The following CSE1L variants were observed in gnomAD, a reference collection of about 807,000 sequenced individuals.
The protein encoded by CSE1L is exportin-2.
In CSE1L, 24 loss-of-function variants were observed where a neutral mutation model predicts 120.4. The observed-to-expected ratio is 0.20, with a 90% CI of 0.14 to 0.28. The LOEUF is 0.28. Among genes scored for constraint, CSE1L ranks in the 10% least tolerant of loss-of-function variants. CSE1L has a pLI of 1.00. For synonymous variants in CSE1L, 402 were observed against 398.3 expected, an observed-to-expected ratio of 1.01 and a Z score of -0.11; for missense variants, 830 against 1,145.2, an observed-to-expected ratio of 0.72 and a Z score of 3.97.
At chr20:49,068,428 A>C (rs2091909456) in intron 6 of CSE1L, among the ~76,000 whole-genome samples, 1 of 152,090 alleles carries the variant, frequency 6.6e-6, no homozygotes. Context: ...CTCTACTAAA[A>C]ATACAAAAAA....
intron 10 of CSE1L, among the ~76,000 whole-genome samples, chr20:49,074,215 G>A (rs2123713950): frequency 1.6e-5 from 1 of 62,058 alleles, no homozygotes; most frequent in Non-Finnish European, 2.7e-5. Flanking sequence ...GTGTGTGTGT[G>A]TGTAGACTTT....
Position 49,090,967 on chromosome 20 carries a change from C to A in CSE1L, c.2310C>A (p.Ile770=). The A allele has an allele frequency of 1.2e-6, 2 of 1,611,176 alleles. No homozygotes were observed. The highest frequency in any genetic ancestry group is 1.3e-5 in the African/African-American group (1 of 74,928). Residue 770 remains isoleucine (I), a synonymous_variant, in exon 21 of 25, where the codon ATC becomes ATA. Transcript: ENST00000262982. The stretch of plus-strand genomic sequence containing the variant: ...CAGTTGACCAATATAGGAAACAAAT[C>A]TTCATTCTGCTATTCCAGAGACTTC... ...PESVDQYRKQ[I]FILLFQRLQN...
chr20:49,053,219 A>G (rs2091781682), intron 1 of CSE1L, among the ~76,000 whole-genome samples: 2 of 150,062 alleles, frequency 1.3e-5, no homozygotes, highest in Non-Finnish European at 1.5e-5. Flanking sequence ...TCCCCACCCA[A>G]GTTTCTAACA....
intron 19 of CSE1L, among the ~76,000 whole-genome samples, chr20:49,090,516 A>G (rs1484776418): frequency 2.0e-5 from 3 of 152,170 alleles, no homozygotes; most frequent in South Asian, 2.1e-4. Context: ...AGATCGCCCC[A>G]TTGCACTCTA....
chr20:49,079,384 G>A (rs998543452), intron 14 of CSE1L, among the ~76,000 whole-genome samples: 1 of 150,922 alleles, frequency 6.6e-6, no homozygotes, highest in Non-Finnish European at 1.5e-5. Flanking sequence ...CTGCCACCAC[G>A]CCTGGCTGAT....
intron 2 of CSE1L, among the ~76,000 whole-genome samples, chr20:49,060,900 A>G (rs2091847411): frequency 6.6e-6 from 1 of 152,206 alleles, no homozygotes; most frequent in African/African-American, 2.4e-5. Flanking sequence ...TGTTTCTTCA[A>G]AACTTACCAA....
At chr20:49,060,269 G>T (rs1232198105) in intron 2 of CSE1L, among the ~76,000 whole-genome samples, 7 of 150,844 alleles carry the variant, frequency 4.6e-5, no homozygotes, top group African/African-American at 1.7e-4. Context: ...GGATCATGAG[G>T]TCAAGAGATC....
chr20:49,075,207 G>A (rs984965741), intron 11 of CSE1L, 111 bp from the exon 12 acceptor site: 12 of 876,104 alleles, frequency 1.4e-5, no homozygotes, highest in Admixed American at 3.1e-5. Flanking sequence ...TTTTTTTTCC[G>A]TTTTACAATC....
In CSE1L at chr20:49,058,542, C is replaced by A. The variant is rs769155749; in HGVS notation, c.79C>A (p.Arg27Ser). 6.2e-7 allele frequency: 1 copy of A among 1,612,740 alleles called. No individual in the cohort carries two copies. Among genetic ancestry groups the A allele is most frequent in the Non-Finnish European group, 8.5e-7 (1 of 1,179,214 alleles). Residue 27 changes from arginine (R) to serine (S), a missense_variant, in exon 2 of 25, where the codon CGT becomes AGT. By Grantham distance (110) the Arg-to-Ser change is moderately radical. Coordinates refer to ENST00000262982, the MANE Select transcript of CSE1L (RefSeq NM_001316.4). The part of the protein sequence containing the change: ...KTLDPDPAIR[R>S]PAEKFLESVE... ...ACTTGATCCTGATCCTGCCATCCGACGTCCAGGTAAAGAAAATAAACGTTT... is the reference window on the plus strand; with the variant it reads ...ACTTGATCCTGATCCTGCCATCCGAAGTCCAGGTAAAGAAAATAAACGTTT...
intron 2 of CSE1L, among the ~76,000 whole-genome samples, chr20:49,061,485 T>TG (rs1491294153): frequency 2.5e-5 from 3 of 122,040 alleles, no homozygotes; most frequent in Non-Finnish European, 5.2e-5. Flanking sequence ...AAATTATTAT[T>TG]ATTATTTATT....
chr20:49,058,845 C>G (rs2091829195), intron 2 of CSE1L, among the ~76,000 whole-genome samples: 1 of 152,104 alleles, frequency 6.6e-6, no homozygotes, highest in Admixed American at 6.6e-5. Context: ...AACATGCCTG[C>G]TTTAGGCCGG....
chr20:49,095,193 G>GA, intron 24 of CSE1L: 1 of 649,672 alleles, frequency 1.5e-6, no homozygotes, highest in Non-Finnish European at 2.8e-6. Context: ...AACAAAGGAG[G>GA]AAAAATCCCT....
intron 3 of CSE1L, among the ~76,000 whole-genome samples, chr20:49,064,581 G>A (rs549592927): frequency 6.6e-6 from 1 of 152,190 alleles, no homozygotes; most frequent in East Asian, 1.9e-4. Flanking sequence ...ATATGGTGGT[G>A]CACGGCCTGT....
In CSE1L at chr20:49,060,934, G is replaced by A. The variant is rs62210390; in HGVS notation, c.86-2268G>A. 7.3e-3 allele frequency among the ~76,000 whole-genome samples: 1,109 copies of A among 152,210 alleles called. 4 individuals are homozygous for A. The highest frequency in any genetic ancestry group is 0.01 in the Non-Finnish European group (684 of 68,006). On this transcript the variant is annotated intron_variant, in intron 2 of 24. Transcript: ENST00000262982. The stretch of plus-strand genomic sequence containing the variant: ...AATGTGCATGCTCATAGAGGATGTT[G>A]GAAGGGTTCCATGAGGAAGAGAATG...
chr20:49,096,626 T>TA lies in CSE1L; in HGVS notation c.*189dup. ...TAGTTGGTTTGTGTGATCATACAGT[T>TA]ATGTGGGTGGCTTCTAGTTTGCAAC... On this transcript the variant is annotated 3_prime_UTR_variant, in exon 25 of 25. Transcript: ENST00000262982. 1.7e-6 allele frequency: 1 copy of TA among 600,784 alleles called. No homozygotes were observed. Among genetic ancestry groups the TA allele is most frequent in the Non-Finnish European group, 2.9e-6 (1 of 339,010 alleles). The allele number at this position is 600,784 out of a possible 1,614,324, so 37.2% of individuals were successfully genotyped here.
intron 16 of CSE1L, among the ~76,000 whole-genome samples, chr20:49,087,782 C>G (rs930336810): frequency 1.3e-5 from 2 of 152,108 alleles, no homozygotes; most frequent in Non-Finnish European, 2.9e-5. Flanking sequence ...AACCTTGAGC[C>G]TTCTAGAAAT....
chr20:49,068,895 A>G, intron 7 of CSE1L, 73 bp downstream of exon 7: 1 of 1,065,946 alleles, frequency 9.4e-7, no homozygotes, highest in Admixed American at 2.0e-5. Context: ...CTGTTTGATA[A>G]AGACTTCTTT....
At chr20:49,049,649 A>G (rs1379394566) in intron 1 of CSE1L, among the ~76,000 whole-genome samples, 1 of 152,220 alleles carries the variant, frequency 6.6e-6, no homozygotes, top group Non-Finnish European at 1.5e-5. Context: ...ATGTTCTCTA[A>G]AAGTCCCTGA....
intron 22 of CSE1L, 146 bp downstream of exon 22, chr20:49,092,273 G>A (rs1415817645): frequency 5.5e-6 from 3 of 549,234 alleles, no homozygotes; most frequent in African/African-American, 2.0e-5. Flanking sequence ...TTAGGTATTG[G>A]GAGTAAAGAA....
Sources: allele counts gnomAD v4.1 joint callset (sites outside exome capture counted in the v4.1 genomes callset), GRCh38; gene constraint gnomAD v4.1.1; transcripts MANE v1.5; gene names NCBI Gene and HGNC (gene_info 2026-07-23, HGNC 2026-07-21).